The following ANKRD26 variants were observed in gnomAD, a reference collection of about 807,000 sequenced individuals.
The protein encoded by ANKRD26 is ankyrin repeat domain 26, also known as ankyrin repeat domain-containing protein 26.
Under a neutral mutation model 208.7 loss-of-function variants are expected in ANKRD26, and 141 were observed. The observed-to-expected ratio is 0.68, with a 90% CI of 0.59 to 0.78. The LOEUF (loss-of-function observed/expected upper bound fraction) is 0.78, where lower values mean the gene tolerates loss of function less well. Among genes scored for constraint, ANKRD26 ranks in the 30% least tolerant of loss-of-function variants. The pLI, the probability that ANKRD26 is intolerant of heterozygous loss-of-function variation, is 0.00. For missense variants in ANKRD26, 1,889 were observed against 1,938.7 expected, an observed-to-expected ratio of 0.97 and a Z score of 0.48; for synonymous variants, 636 against 660.4, an observed-to-expected ratio of 0.96 and a Z score of 0.57.
At position 27,081,885 on chromosome 10, in the gene ANKRD26, C is replaced by T. The variant is rs138062749; in HGVS notation, c.740+918G>A. ...CCTGAGTACTGGGACTATAGGCGTG[C>T]GCCACCACGCCTGGCTAATTCTTTG... On this transcript the variant is annotated intron_variant, in intron 6 of 33. Coordinates refer to ENST00000376087, the MANE Select transcript of ANKRD26 (RefSeq NM_014915.3). Among the ~76,000 whole-genome samples, 680 of 151,676 alleles carry T rather than the reference C, an allele frequency of 4.5e-3. 3 individuals carry two copies. The highest frequency in any genetic ancestry group is 0.015 in the African/African-American group (628 of 41,376).
At position 27,077,351 on chromosome 10, in the gene ANKRD26, G is replaced by A; in HGVS notation, c.1064C>T (p.Pro355Leu). The A allele has an allele frequency of 6.2e-7, 1 of 1,613,672 alleles. No individual in the cohort carries two copies. Among genetic ancestry groups the A allele is most frequent in the Non-Finnish European group, 8.5e-7 (1 of 1,179,612 alleles). Residue 355 changes from proline (P) to leucine (L), a missense_variant, in exon 9 of 34, where the codon CCT (proline) becomes CTT (leucine). Around this residue, in one of 3 missense-constraint regions of ANKRD26, gnomAD observed 1,272 missense variants for 1,273.8 expected, o/e 1.00. Transcript: ENST00000376087. ...PKPSHKSLAN[P>L]GLMKEEPTKP... The stretch of plus-strand genomic sequence containing the variant: ...AAAACAACTTACCTTCATAAGACCA[G>A]GGTTTGCTAACGACTTGTGGGAAGG...
chr10:26,961,565 C>T, the ANKRD26 span, among the ~76,000 whole-genome samples: 1 of 152,108 alleles, frequency 6.6e-6, no homozygotes, highest in South Asian at 2.1e-4. Flanking sequence ...GGAGTATTGG[C>T]CAGGTGTGGC....
rs952744635 is a variant in ANKRD26 at position 27,054,350 on chromosome 10, C to T, written c.1565-960G>A. On this transcript the variant is annotated intron_variant, in intron 15 of 33. Transcript: ENST00000376087. Reference sequence around the variant, plus strand: ...CTGTAATCCCAGCACTTTGGGAGGTCGAGGTGGGTGGATCACTTGAGGCCA... The same window carrying T: ...CTGTAATCCCAGCACTTTGGGAGGTTGAGGTGGGTGGATCACTTGAGGCCA... Among the ~76,000 whole-genome samples, 4 of 152,026 alleles carry T rather than the reference C, an allele frequency of 2.6e-5. No individual in the cohort carries two copies. The East Asian group carries it at 5.8e-4, about 22-fold the overall frequency.
At chr10:27,030,138 T>C (rs1417511757) in intron 25 of ANKRD26, among the ~76,000 whole-genome samples, 3 of 152,226 alleles carry the variant, frequency 2.0e-5, no homozygotes, top group Non-Finnish European at 4.4e-5. Context: ...TAAAATTGTA[T>C]ATTTTAGGCA....
Position 27,043,468 on chromosome 10 carries a change from T to A in ANKRD26, c.2119A>T (p.Asn707Tyr). 6.2e-7 allele frequency: 1 copy of A among 1,614,024 alleles called. No individual in the cohort carries two copies. The change falls in exon 20 of 34, where the codon AAT becomes TAT. Residue 707 changes from asparagine to tyrosine, a missense_variant. Around this residue, in one of 3 missense-constraint regions of ANKRD26, gnomAD observed 1,272 missense variants for 1,273.8 expected, o/e 1.00. Coordinates refer to ENST00000376087, the MANE Select transcript of ANKRD26 (RefSeq NM_014915.3). ...AGTTGTTCAATGAGCAACATAAAAT[T>A]CTTGTAACTAGAGTGGGGTAGCTCA... Reference protein sequence around the residue: ...DCELPHSSYKNFMLLIEQLGM... With the variant: ...DCELPHSSYKYFMLLIEQLGM...
chr10:26,960,069 C>G, the ANKRD26 span, among the ~76,000 whole-genome samples: 4 of 151,496 alleles, frequency 2.6e-5, no homozygotes, highest in East Asian at 7.8e-4. Context: ...AGCTGAGACA[C>G]GAGAATCACT....
chr10:27,003,305 C>G (rs937293971), downstream of ANKRD26, among the ~76,000 whole-genome samples: 1 of 152,130 alleles, frequency 6.6e-6, no homozygotes. Context: ...CAGGGGGCAT[C>G]TGAACACCAA....
At chr10:26,987,298 G>T (rs144210142), downstream of ANKRD26, among the ~76,000 whole-genome samples, 5 of 152,078 alleles carry the variant, frequency 3.3e-5, no homozygotes, top group Admixed American at 2.6e-4. Flanking sequence ...GGGTATGGGG[G>T]ATGGATAGCA....
chr10:27,043,692 G>T (rs201036689), intron 19 of ANKRD26, 125 bp from the exon 20 acceptor site: 1 of 836,470 alleles, frequency 1.2e-6, no homozygotes, highest in South Asian at 1.9e-5. Context: ...ACTGATTTTT[G>T]TTAAAAGGAT....
chr10:27,082,060 AAAAAAAAAAAAAAAGG>A (rs1027501937), intron 6 of ANKRD26, among the ~76,000 whole-genome samples: 3 of 83,312 alleles, frequency 3.6e-5, no homozygotes, highest in Non-Finnish European at 9.4e-5. Context: ...AAAAAAAAAA[AAAAAAAAAAAAAAAGG>A]GAGAGAGAGA....
chr10:26,947,984 C>A, the ANKRD26 span, among the ~76,000 whole-genome samples: 16 of 152,170 alleles, frequency 1.1e-4, no homozygotes, highest in Non-Finnish European at 2.2e-4. Flanking sequence ...CTTTGTTGCC[C>A]AGGCTGGAGT....
At chr10:27,030,480 C>A in intron 25 of ANKRD26, 1 of 985,416 alleles carries the variant, frequency 1.0e-6, no homozygotes, top group South Asian at 4.7e-5. Context: ...ACTGTCTATG[C>A]TGAGCTGCTT....
At position 27,005,226 on chromosome 10, in the gene ANKRD26, C is replaced by A; in HGVS notation, c.*364G>T. ...ATGAACAATGACCACAGTTCCTGCA[C>A]AACAAAATGATGTCTAAGTCCAATT... On this transcript the variant is annotated 3_prime_UTR_variant, in exon 34 of 34. Transcript: ENST00000376087. The A allele has an allele frequency of 2.0e-6, 2 of 1,007,278 alleles. No individual in the cohort carries two copies. The highest frequency in any genetic ancestry group is 2.4e-6 in the Non-Finnish European group (2 of 843,680). The allele number at this position is 1,007,278 out of a possible 1,614,324, so 62.4% of individuals were successfully genotyped here.
downstream of ANKRD26, among the ~76,000 whole-genome samples, chr10:27,001,896 T>C (rs1321707018): frequency 6.6e-6 from 1 of 152,230 alleles, no homozygotes; most frequent in Non-Finnish European, 1.5e-5. Flanking sequence ...TGCCAAGGAC[T>C]CTTTTACCCT....
At chr10:27,063,783 C>T (rs2055146985) in intron 12 of ANKRD26, among the ~76,000 whole-genome samples, 1 of 152,112 alleles carries the variant, frequency 6.6e-6, no homozygotes, top group Non-Finnish European at 1.5e-5. Context: ...TGAAATGGAT[C>T]TAATAATTCA....
At chr10:26,990,093 G>A (rs1204855574), downstream of ANKRD26, among the ~76,000 whole-genome samples, 1 of 152,134 alleles carries the variant, frequency 6.6e-6, no homozygotes, top group East Asian at 1.9e-4. Context: ...TGGCTGTTGA[G>A]TTTTTGTGCA....
intron 12 of ANKRD26, chr10:27,062,293 A>T: frequency 1.3e-6 from 1 of 791,382 alleles, no homozygotes; most frequent in Non-Finnish European, 1.5e-6. Context: ...AAATAAAAGA[A>T]AAATAATGCT....
chr10:26,977,241 G>A (rs534114224), intron 5 of ANKRD26, among the ~76,000 whole-genome samples: 8 of 152,206 alleles, frequency 5.3e-5, no homozygotes, highest in East Asian at 1.9e-4. Context: ...TTTACTACCC[G>A]TGTATTCCCT....
chr10:27,080,705 GA>G, intron 6 of ANKRD26: 1 of 985,436 alleles, frequency 1.0e-6, no homozygotes, highest in South Asian at 4.7e-5. Context: ...TTCAGCCTAT[GA>G]AGGCACAAAT....
Sources: gnomAD v4.1 joint callset for allele counts (sites outside exome capture counted in the v4.1 genomes callset) on GRCh38, gnomAD v4.1.1 for gene constraint, gnomAD v4.1.1 regional missense constraint, MANE v1.5 for transcripts, NCBI Gene and HGNC (gene_info 2026-07-23, HGNC 2026-07-21) for gene names.